ABHD12B: variants seen among roughly 807,000 people sequenced by gnomAD.
ABHD12B encodes the protein abhydrolase domain containing 12B, also known as protein ABHD12B.
A neutral mutation model predicts 50.4 loss-of-function variants in ABHD12B; 42 were observed. The observed-to-expected ratio is 0.83, with a 90% CI of 0.65 to 1.08. The LOEUF (loss-of-function observed/expected upper bound fraction) is 1.08, where lower values mean the gene tolerates loss of function less well. Ranked by LOEUF, ABHD12B falls within the 50% of genes least tolerant of loss-of-function variation. The pLI, the probability that ABHD12B is intolerant of heterozygous loss-of-function variation, is 0.00. For synonymous variants in ABHD12B, 167 were observed against 160.3 expected, an observed-to-expected ratio of 1.04 and a Z score of -0.32; for missense variants, 479 against 447.7, an observed-to-expected ratio of 1.07 and a Z score of -0.63.
At position 50,904,510 on chromosome 14, in the gene ABHD12B, C is replaced by T. The variant is rs952692896; in HGVS notation, c.*144C>T. ...TACAAATCACTTGCCATTTTAACAACAGAAAGTACGAATGTTAGGCAGTAT... is the reference window on the plus strand; with the variant it reads ...TACAAATCACTTGCCATTTTAACAATAGAAAGTACGAATGTTAGGCAGTAT... On this transcript the variant is annotated 3_prime_UTR_variant, in exon 13 of 13. Transcript: ENST00000337334. 10 of 1,008,548 alleles carry T rather than the reference C, an allele frequency of 9.9e-6. No individual in the cohort carries two copies. Among genetic ancestry groups the T allele is most frequent in the Non-Finnish European group, 1.4e-5 (9 of 654,452 alleles). 62.5% of individuals were successfully genotyped at this position (1,008,548 alleles called of 1,614,324 possible).
Position 50,901,916 on chromosome 14 carries a change from G to A in ABHD12B, c.863+5G>A, listed in dbSNP as rs774370556. ...AATCTTTCCTAATGATGAAAAGTAA[G>A]TTAATGATGAAAAGACATGCATTAT... On this transcript the variant is annotated splice_donor_5th_base_variant and intron_variant, in intron 10 of 12. Transcript: ENST00000337334. 2 of 1,572,720 alleles carry A rather than the reference G, an allele frequency of 1.3e-6. No homozygotes were observed. Among genetic ancestry groups the A allele is most frequent in the South Asian group, 1.2e-5 (1 of 86,052 alleles).
chr14:50,881,691 C>T (rs2049951504), intron 5 of ABHD12B, 65 bp downstream of exon 5: 1 of 1,593,858 alleles, frequency 6.3e-7, no homozygotes, highest in South Asian at 1.1e-5. Context: ...TAAGATTTTC[C>T]TCAGGCCCTC....
chr14:50,894,598 T>A (rs1178165427), intron 9 of ABHD12B, among the ~76,000 whole-genome samples: 2 of 152,138 alleles, frequency 1.3e-5, no homozygotes, highest in Non-Finnish European at 2.9e-5. Flanking sequence ...TAGTTCCAAA[T>A]AGCCAGAAAA....
intron 9 of ABHD12B, among the ~76,000 whole-genome samples, chr14:50,900,574 G>A (rs1277766966): frequency 6.6e-6 from 1 of 152,212 alleles, no homozygotes; most frequent in Non-Finnish European, 1.5e-5. Context: ...TGGGTGGTGG[G>A]GGCAAGGTTT....
At chr14:50,881,919 TGA>T in intron 5 of ABHD12B, among the ~76,000 whole-genome samples, 1 of 151,700 alleles carries the variant, frequency 6.6e-6, no homozygotes, top group African/African-American at 2.4e-5. Context: ...GGGGATGGGT[TGA>T]GAGAGGTTTT....
intron 5 of ABHD12B, among the ~76,000 whole-genome samples, chr14:50,884,684 T>G (rs10143702): frequency 1.4e-5 from 2 of 147,448 alleles, no homozygotes; most frequent in Non-Finnish European, 3.0e-5. Context: ...CTTTTCTTTA[T>G]CTATGATTGT....
At chr14:50,883,562 A>T (rs1046099194) in intron 5 of ABHD12B, among the ~76,000 whole-genome samples, 4 of 152,288 alleles carry the variant, frequency 2.6e-5, no homozygotes, top group Non-Finnish European at 5.9e-5. Context: ...GGTAAAGCTA[A>T]TGTCCGTGAG....
chr14:50,872,737 C>T (rs1416723863), intron 1 of ABHD12B, among the ~76,000 whole-genome samples: 1 of 152,122 alleles, frequency 6.6e-6, no homozygotes, highest in Non-Finnish European at 1.5e-5. Context: ...TCAGAAAATC[C>T]GTGCCTAGTT....
rs554176158 is a variant in ABHD12B at position 50,888,500 on chromosome 14, C to T, written c.701-324C>T. ...TACAGGTGTGAGCCACCGTGCCTGG[C>T]CTTGCTTTCTTGTTGTCCAAGCCAT... On this transcript the variant is annotated intron_variant, in intron 8 of 12. Coordinates refer to ENST00000337334, the MANE Select transcript of ABHD12B (RefSeq NM_001206673.2). Among the ~76,000 whole-genome samples, 22 of 152,234 alleles carry T rather than the reference C, an allele frequency of 1.4e-4. No homozygotes were observed. In the East Asian group the frequency reaches 1.9e-3, roughly 13 times the overall value.
At chr14:50,897,796 A>G (rs2050215712) in intron 9 of ABHD12B, among the ~76,000 whole-genome samples, 2 of 152,322 alleles carry the variant, frequency 1.3e-5, no homozygotes, top group South Asian at 4.1e-4. Context: ...GGTTGTTGTG[A>G]AGACTGAATT....
rs370319452 is a variant in ABHD12B, at chr14:50,889,669, A to T, written c.780+766A>T. On this transcript the variant is annotated intron_variant, in intron 9 of 12. Coordinates refer to ENST00000337334, the MANE Select transcript of ABHD12B (RefSeq NM_001206673.2). Reference sequence around the variant, plus strand: ...GAAAAAAAAATCTATTGTGTAGACTATCCTAACTTTATAATCTTATTCTAT... The same window carrying T: ...GAAAAAAAAATCTATTGTGTAGACTTTCCTAACTTTATAATCTTATTCTAT... Among the ~76,000 whole-genome samples, 185 of 152,308 alleles carry T rather than the reference A, an allele frequency of 1.2e-3. 7 individuals carry two copies. The South Asian group carries it at 0.037, about 30-fold the overall frequency.
rs752155932 is a variant in ABHD12B at position 50,901,813 on chromosome 14, T to TC, written c.781-15dup. 3 of 1,559,356 alleles carry TC rather than the reference T, an allele frequency of 1.9e-6. No homozygotes were observed. The highest frequency in any genetic ancestry group is 2.4e-5 in the South Asian group (2 of 84,836). On this transcript the variant is annotated splice_polypyrimidine_tract_variant and intron_variant, in intron 9 of 12. Transcript: ENST00000337334. ...TATGGGGCAAATATTAATTTTTTTTTCTTTTTTAAAAATAGATTTACCGGA... is the reference window on the plus strand; with the variant it reads ...TATGGGGCAAATATTAATTTTTTTTTCCTTTTTTAAAAATAGATTTACCGGA...
chr14:50,874,572 C>T (rs920273074), intron 1 of ABHD12B, among the ~76,000 whole-genome samples: 2 of 151,888 alleles, frequency 1.3e-5, no homozygotes, highest in African/African-American at 4.8e-5. Context: ...TGCACTCCAG[C>T]CTGGGTGACA....
Position 50,880,514 on chromosome 14 carries a change from CA to C in ABHD12B, c.399del (p.Ala134ProfsTer25). The C allele has an allele frequency of 1.2e-6, 2 of 1,609,540 alleles. No homozygotes were observed. Among genetic ancestry groups the C allele is most frequent in the Non-Finnish European group, 1.7e-6 (2 of 1,177,568 alleles). ...AKGKDCCWYE[A>X]ALRDGNPIIV... ...GGGAAGGACTGTTGCTGGTATGAAG[CA>C]GCCCTTCGTGATGGGAACCCAATTA... is the stretch of plus-strand genomic sequence containing the variant. On this transcript the variant is annotated frameshift_variant, in exon 4 of 13. Coordinates refer to ENST00000337334, the MANE Select transcript of ABHD12B (RefSeq NM_001206673.2).
rs59924695 is a variant in ABHD12B at position 50,887,211 on chromosome 14, CAAA to C, written c.700+543_700+545del. 5.3e-4 allele frequency among the ~76,000 whole-genome samples: 23 copies of C among 43,630 alleles called. 1 individual carries two copies. In the East Asian group the frequency reaches 0.017, roughly 32 times the overall value. The allele number at this position is 43,630 out of a possible 152,430, so 28.6% of individuals were successfully genotyped here. A position where few individuals can be genotyped will look rare whatever the true frequency, so the allele number is the denominator to read the frequency against. On this transcript the variant is annotated intron_variant, in intron 8 of 12. Transcript: ENST00000337334. ...TGGGCGACAGAGCAAGAGTCTGTCTCAAAAAAAAAAAAAAAAAAGAGTCCTCCT... is the reference window on the plus strand; with the variant it reads ...TGGGCGACAGAGCAAGAGTCTGTCTCAAAAAAAAAAAAAAAGAGTCCTCCT...
In ABHD12B at chr14:50,901,967, CA is replaced by C. The variant is rs201967057; in HGVS notation, c.863+58del. 2,065 of 1,210,602 alleles carry C rather than the reference CA, an allele frequency of 1.7e-3. 27 individuals carry two copies. The African/African-American group carries it at 0.028, about 16-fold the overall frequency. The allele number at this position is 1,210,602 out of a possible 1,614,324, so 75.0% of individuals were successfully genotyped here. On this transcript the variant is annotated intron_variant, in intron 10 of 12. Coordinates refer to ENST00000337334, the MANE Select transcript of ABHD12B (RefSeq NM_001206673.2). ...TACTGTATCTAAAGGATTCTAGGGG[CA>C]ACTATCATGTGACTTACTGGATGGT...
intron 3 of ABHD12B, 147 bp downstream of exon 3, chr14:50,878,994 T>C: frequency 1.5e-6 from 1 of 679,420 alleles, no homozygotes; most frequent in South Asian, 1.9e-5. Flanking sequence ...TCCTCTTCTG[T>C]TGATTTGCTT....
chr14:50,878,215 T>C, intron 2 of ABHD12B, 136 bp downstream of exon 2: 1 of 787,346 alleles, frequency 1.3e-6, no homozygotes, highest in Non-Finnish European at 1.9e-6. Flanking sequence ...CTGAAACTTA[T>C]TTAATATTGA....
chr14:50,900,824 G>A (rs879584620), intron 9 of ABHD12B, among the ~76,000 whole-genome samples: 6 of 152,198 alleles, frequency 3.9e-5, no homozygotes, highest in East Asian at 1.9e-4. Context: ...GGAAGCCGCC[G>A]GATTCTTCAG....
Sources: allele counts gnomAD v4.1 joint callset (sites outside exome capture counted in the v4.1 genomes callset), GRCh38; gene constraint gnomAD v4.1.1; transcripts MANE v1.5; gene names NCBI Gene and HGNC (gene_info 2026-07-23, HGNC 2026-07-21).